Variants in ENOX1 observed in about 807,000 individuals in gnomAD.
The protein encoded by ENOX1 is ecto-NOX disulfide-thiol exchanger 1.
A neutral mutation model predicts 82.5 loss-of-function variants in ENOX1; 42 were observed. The observed-to-expected ratio is 0.51, with a 90% CI of 0.40 to 0.66. ENOX1 has a LOEUF of 0.66. Ranked by LOEUF, ENOX1 falls within the 30% of genes least tolerant of loss-of-function variation. The pLI is 0.00. For missense variants in ENOX1, 608 were observed against 811.6 expected, an observed-to-expected ratio of 0.75 and a Z score of 3.05; for synonymous variants, 271 against 282.2, an observed-to-expected ratio of 0.96 and a Z score of 0.40.
chr13:43,543,911 T>C (rs2078856378), intron 2 of ENOX1: 2 of 141,170 alleles, frequency 1.4e-5, no homozygotes, highest in East Asian at 4.1e-4. Flanking sequence ...TTTTTTCTTT[T>C]TCTTTTTTTT....
chr13:43,442,439 C>A (rs560077959), intron 3 of ENOX1, among the ~76,000 whole-genome samples: 6 of 152,214 alleles, frequency 3.9e-5, no homozygotes, highest in Non-Finnish European at 5.9e-5. Flanking sequence ...GCTGTGCCCA[C>A]CACTGGGAGA....
chr13:43,709,615 G>C (rs1365034752), intron 1 of ENOX1, among the ~76,000 whole-genome samples: 3 of 151,418 alleles, frequency 2.0e-5, no homozygotes, highest in Non-Finnish European at 4.4e-5. Flanking sequence ...GAGGAGGAGA[G>C]AAGGAGGGAG....
chr13:43,583,874 A>G (rs1339289606), intron 2 of ENOX1, among the ~76,000 whole-genome samples: 2 of 151,458 alleles, frequency 1.3e-5, no homozygotes, highest in African/African-American at 4.9e-5. Context: ...TTTGTATTCT[A>G]ATCACTCCAA....
At chr13:43,736,056 C>T (rs2089612891) in intron 1 of ENOX1, among the ~76,000 whole-genome samples, 1 of 151,880 alleles carries the variant, frequency 6.6e-6, no homozygotes, top group South Asian at 2.1e-4. Context: ...TTTTTTAAAC[C>T]CACTTTGCAC....
At chr13:43,433,729 T>G (rs1432609577) in intron 3 of ENOX1, among the ~76,000 whole-genome samples, 2 of 152,248 alleles carry the variant, frequency 1.3e-5, no homozygotes, top group Admixed American at 1.3e-4. Flanking sequence ...CTATGGTTCA[T>G]GTTGTTCCAT....
chr13:43,564,314 A>G (rs2079821105), intron 2 of ENOX1, among the ~76,000 whole-genome samples: 1 of 152,112 alleles, frequency 6.6e-6, no homozygotes, highest in African/African-American at 2.4e-5. Flanking sequence ...CAAAATGCCA[A>G]TTACATTCTT....
chr13:43,741,705 T>C (rs1161682803), intron 1 of ENOX1, among the ~76,000 whole-genome samples: 1 of 152,244 alleles, frequency 6.6e-6, no homozygotes, highest in Non-Finnish European at 1.5e-5. Flanking sequence ...TTCACTTTTT[T>C]ATGGTGTGCT....
At chr13:43,323,031 TACTTAGCATCATGCCAG>T (rs1244456846) in intron 10 of ENOX1, among the ~76,000 whole-genome samples, 1 of 152,198 alleles carries the variant, frequency 6.6e-6, no homozygotes, top group African/African-American at 2.4e-5. Context: ...GAATGTACAG[TACTTAGCATCATGCCAG>T]ACACTTGGTT....
intron 1 of ENOX1, among the ~76,000 whole-genome samples, chr13:43,668,449 T>C (rs1187047120): frequency 2.6e-5 from 4 of 152,206 alleles, no homozygotes; most frequent in Non-Finnish European, 5.9e-5. Flanking sequence ...ACAAATATTC[T>C]ACTAAACTCT....
rs754961167 is a variant in ENOX1, at chr13:43,236,592, A to G, written c.1714+44T>C. 17 of 1,199,980 alleles carry G rather than the reference A, an allele frequency of 1.4e-5. No individual in the cohort carries two copies. The East Asian group carries it at 4.3e-4, about 31-fold the overall frequency. 74.3% of individuals were successfully genotyped at this position (1,199,980 alleles called of 1,614,324 possible). ...ACTAAAATATTAAGTTAATTACCTA[A>G]TAATTATTTAAGAGAACAGATGAAG... On this transcript the variant is annotated intron_variant, in intron 15 of 16. Transcript: ENST00000690772.
chr13:43,585,218 G>C (rs564100842), intron 2 of ENOX1, among the ~76,000 whole-genome samples: 33 of 152,252 alleles, frequency 2.2e-4, no homozygotes, highest in Admixed American at 5.9e-4. Flanking sequence ...AAGATGGAAG[G>C]GGGCCATGAA....
intron 2 of ENOX1, among the ~76,000 whole-genome samples, chr13:43,578,036 C>T (rs180793755): frequency 4.3e-4 from 65 of 152,022 alleles, no homozygotes; most frequent in African/African-American, 1.5e-3. Context: ...ATGGGCAATC[C>T]CACAAAATAT....
rs561973292 is a variant in ENOX1, at chr13:43,750,490, T to C, written c.-285+36162A>G. Among the ~76,000 whole-genome samples, 6 of 152,298 alleles carry C rather than the reference T, an allele frequency of 3.9e-5. No individual in the cohort carries two copies. In the East Asian group the frequency reaches 1.2e-3, roughly 29 times the overall value. ...GGCCTGGTCTTTAGTGCTTGTACCA[T>C]GGCTCAACTACACTGAGATACCTTC... On this transcript the variant is annotated intron_variant, in intron 1 of 16. Coordinates refer to ENST00000690772, the MANE Select transcript of ENOX1 (RefSeq NM_001347969.2).
At chr13:43,733,030 G>C (rs533702938) in intron 1 of ENOX1, among the ~76,000 whole-genome samples, 1 of 152,088 alleles carries the variant, frequency 6.6e-6, no homozygotes, top group South Asian at 2.1e-4. Context: ...GACAGATCTC[G>C]CTATTATCTA....
rs1228806359 is a variant in ENOX1, at chr13:43,579,178, A to G, written c.-219+88301T>C. On this transcript the variant is annotated intron_variant, in intron 2 of 16. Coordinates refer to ENST00000690772, the MANE Select transcript of ENOX1 (RefSeq NM_001347969.2). ...GACCTACTAAGCACACATTAAATGT[A>G]AATTCCATAATGGGTTGAAGTAGTA... 2.0e-5 allele frequency among the ~76,000 whole-genome samples: 3 copies of G among 152,150 alleles called. No individual in the cohort carries two copies. The East Asian group carries it at 5.8e-4, about 29-fold the overall frequency.
chr13:43,616,177 T>G lies in ENOX1; in HGVS notation c.-219+51302A>C, dbSNP rs1383711079. ...AGATAGATATCTATCTATCTATCTA[T>G]CTATCTATCTATATATATATATATA... is the stretch of plus-strand genomic sequence containing the variant. On this transcript the variant is annotated intron_variant, in intron 2 of 16. Coordinates refer to ENST00000690772, the MANE Select transcript of ENOX1 (RefSeq NM_001347969.2). 1.5e-3 allele frequency among the ~76,000 whole-genome samples: 8 copies of G among 5,212 alleles called. 1 individual carries two copies. Among genetic ancestry groups the G allele is most frequent in the African/African-American group, 2.3e-3 (7 of 2,984 alleles). The allele number at this position is 5,212 out of a possible 152,430, so 3.4% of individuals were successfully genotyped here.
intron 3 of ENOX1, among the ~76,000 whole-genome samples, chr13:43,451,419 T>C (rs111354320): frequency 2.6e-4 from 40 of 152,242 alleles, no homozygotes; most frequent in African/African-American, 9.6e-4. Context: ...TGATGGAAAA[T>C]GAAAAGTCTG....
chr13:43,392,367 T>C (rs1361179122), intron 5 of ENOX1, among the ~76,000 whole-genome samples: 3 of 152,164 alleles, frequency 2.0e-5, no homozygotes, highest in Non-Finnish European at 4.4e-5. Context: ...GGAGGGATAC[T>C]ACTAAACTAT....
At chr13:43,252,368 G>A (rs1322259954) in intron 14 of ENOX1, among the ~76,000 whole-genome samples, 1 of 152,222 alleles carries the variant, frequency 6.6e-6, no homozygotes, top group Non-Finnish European at 1.5e-5. Context: ...GGGGAACCTA[G>A]AGTTTTCAGA....
Sources: gnomAD v4.1 joint callset for allele counts (sites outside exome capture counted in the v4.1 genomes callset) on GRCh38, gnomAD v4.1.1 for gene constraint, MANE v1.5 for transcripts, NCBI Gene and HGNC (gene_info 2026-07-23, HGNC 2026-07-21) for gene names.